TTC3: variants seen among roughly 807,000 people sequenced by gnomAD.
TTC3 encodes E3 ubiquitin-protein ligase TTC3.
Under a neutral mutation model 249.6 loss-of-function variants are expected in TTC3, and 180 were observed. The observed-to-expected ratio is 0.72, with a 90% CI of 0.64 to 0.82. The LOEUF is 0.82. Among genes scored for constraint, TTC3 ranks in the 40% least tolerant of loss-of-function variants. The probability of loss-of-function intolerance (pLI) is 0.00; values close to 1 mark genes in which losing one functional copy is unlikely to be tolerated. For synonymous variants in TTC3, 717 were observed against 805.0 expected (o/e 0.89, Z 1.85); for missense variants, 2,061 against 2,398.4 (o/e 0.86, Z 2.94).
In TTC3 at chr21:37,182,914, G is replaced by T. The variant is rs752579066; in HGVS notation, c.4757+1G>T. Reference sequence around the variant, plus strand: ...AAAAGGTTTCAAATGCCAGTGAAATGTAAGTAATGATTGAAAGGCAGTAAT... The same window carrying T: ...AAAAGGTTTCAAATGCCAGTGAAATTTAAGTAATGATTGAAAGGCAGTAAT... On this transcript the variant is annotated splice_donor_variant, in intron 36 of 45. Coordinates refer to ENST00000355666, the Ensembl canonical transcript of TTC3. LOFTEE classifies it high-confidence loss of function. The T allele has an allele frequency of 6.4e-7, 1 of 1,553,318 alleles. No individual in the cohort carries two copies. The highest frequency in any genetic ancestry group is 8.6e-7 in the Non-Finnish European group (1 of 1,157,142).
intron 21 of TTC3, among the ~76,000 whole-genome samples, 165 bp downstream of exon 21, chr21:37,144,810 T>G (rs908564074): frequency 6.6e-6 from 1 of 152,244 alleles, no homozygotes; most frequent in African/African-American, 2.4e-5. Context: ...TTGAATGTTT[T>G]CTGTGTGCCA....
At chr21:37,124,663 C>T (rs763716268) in exon 14 of TTC3, 1 of 1,613,258 alleles carries the variant, frequency 6.2e-7, no homozygotes. Context: ...TTTACTACTT[C>T]ACTTAACTTT....
chr21:37,093,097 G>T (rs2073485847), intron 7 of TTC3, among the ~76,000 whole-genome samples: 1 of 152,092 alleles, frequency 6.6e-6, no homozygotes, highest in Non-Finnish European at 1.5e-5. Flanking sequence ...GGAAATGCTC[G>T]CTGGGCGCGG....
chr21:37,132,760 A>C (rs1437794078), exon 17 of TTC3: 2 of 1,601,932 alleles, frequency 1.2e-6, no homozygotes. Context: ...CCAGAGCTGC[A>C]CACCAGGTAA....
At chr21:37,114,289 T>C (rs534514638) in intron 11 of TTC3, among the ~76,000 whole-genome samples, 1,711 of 152,080 alleles carry the variant, frequency 0.011, 17 homozygotes, top group East Asian at 0.03. Flanking sequence ...AACCTACTCA[T>C]CTGACAAAGG....
At chr21:37,097,659 G>A (rs1177081678) in intron 10 of TTC3, among the ~76,000 whole-genome samples, 1 of 152,180 alleles carries the variant, frequency 6.6e-6, no homozygotes, top group Non-Finnish European at 1.5e-5. Flanking sequence ...AAGTTGGGCT[G>A]TAATATTAAT....
exon 42 of TTC3, chr21:37,195,948 G>C: frequency 6.2e-7 from 1 of 1,614,240 alleles, no homozygotes; most frequent in Non-Finnish European, 8.5e-7. Flanking sequence ...TGTTCCTCCA[G>C]GACGTGCTGC....
chr21:37,074,824 A>C (rs1284277360), intron 1 of TTC3, among the ~76,000 whole-genome samples: 1 of 152,112 alleles, frequency 6.6e-6, no homozygotes, highest in Non-Finnish European at 1.5e-5. Flanking sequence ...TGTTCTGCCC[A>C]ATTTTCTTAT....
chr21:37,117,619 C>T (rs2076243617), intron 11 of TTC3, among the ~76,000 whole-genome samples: 1 of 151,982 alleles, frequency 6.6e-6, no homozygotes, highest in Admixed American at 6.6e-5. Flanking sequence ...AGACCTGGCG[C>T]TCACTCCTGT....
chr21:37,126,189 C>A, intron 15 of TTC3, 46 bp downstream of exon 15: 2 of 1,584,928 alleles, frequency 1.3e-6, no homozygotes, highest in Non-Finnish European at 8.6e-7. Context: ...AATATAATGT[C>A]TCCTAAATTT....
rs914119077 is a variant in TTC3 at position 37,082,978 on chromosome 21, C to T, written c.-11-4269C>T. 4 of 985,036 alleles carry T rather than the reference C, an allele frequency of 4.1e-6. No homozygotes were observed. The African/African-American group carries it at 7.0e-5, about 17-fold the overall frequency. 61.0% of individuals were successfully genotyped at this position (985,036 alleles called of 1,614,324 possible). Reference sequence around the variant, plus strand: ...GAAAAGTATTAAGTAAATAGCAGTACAGATGGCAAATGGATTGCACAATAT... The same window carrying T: ...GAAAAGTATTAAGTAAATAGCAGTATAGATGGCAAATGGATTGCACAATAT... On this transcript the variant is annotated intron_variant, in intron 1 of 45. Transcript: ENST00000355666.
chr21:37,118,959 A>T (rs1050030587), intron 11 of TTC3, among the ~76,000 whole-genome samples: 9 of 152,134 alleles, frequency 5.9e-5, no homozygotes, highest in African/African-American at 1.7e-4. Flanking sequence ...CCTCTTGAAC[A>T]CATAGGGGAT....
At chr21:37,085,006 A>G (rs571544763) in intron 1 of TTC3, among the ~76,000 whole-genome samples, 1 of 152,006 alleles carries the variant, frequency 6.6e-6, no homozygotes, top group East Asian at 1.9e-4. Context: ...CAAACAAACA[A>G]ACAAACCAAA....
exon 10 of TTC3, chr21:37,096,612 G>A (rs763190837): frequency 3.8e-5 from 61 of 1,612,394 alleles, no homozygotes; most frequent in Non-Finnish European, 5.2e-5. Context: ...TGGTAACCGA[G>A]CTCTTTGTTT....
chr21:37,186,634 C>T (rs2083317084), intron 37 of TTC3, among the ~76,000 whole-genome samples: 1 of 152,164 alleles, frequency 6.6e-6, no homozygotes, highest in Admixed American at 6.5e-5. Flanking sequence ...GCCATGCTGT[C>T]TAGGCTGGTC....
At chr21:37,115,296 C>T (rs2076048309) in intron 11 of TTC3, among the ~76,000 whole-genome samples, 1 of 152,010 alleles carries the variant, frequency 6.6e-6, no homozygotes. Flanking sequence ...AGGGCCTCCA[C>T]ACAGAACCCA....
chr21:37,155,342 A>G (rs1601841300), intron 27 of TTC3, among the ~76,000 whole-genome samples: 1 of 152,146 alleles, frequency 6.6e-6, no homozygotes, highest in East Asian at 1.9e-4. Context: ...TAGTGAGATA[A>G]ATTTAACATC....
exon 24 of TTC3, chr21:37,150,125 T>G: frequency 1.2e-6 from 2 of 1,613,548 alleles, no homozygotes; most frequent in Non-Finnish European, 1.7e-6. Context: ...AAGGTGTCAT[T>G]TCTAAGATTA....
At chr21:37,115,085 C>T (rs1035500730) in intron 11 of TTC3, among the ~76,000 whole-genome samples, 12 of 151,712 alleles carry the variant, frequency 7.9e-5, no homozygotes, top group East Asian at 1.9e-4. Context: ...TGCTAAATGA[C>T]GAGTTAATGG....
Sources: allele counts gnomAD v4.1 joint callset (sites outside exome capture counted in the v4.1 genomes callset), GRCh38; gene constraint gnomAD v4.1.1; transcripts MANE v1.5; gene names NCBI Gene and HGNC (gene_info 2026-07-23, HGNC 2026-07-21).